Variants in CWC27 observed in about 807,000 individuals in gnomAD.
The protein encoded by CWC27 is CWC27 spliceosome associated cyclophilin, also known as spliceosome-associated protein CWC27 homolog.
In CWC27, 47 loss-of-function variants were observed where a neutral mutation model predicts 63.6. The ratio of observed to expected loss-of-function variants is 0.74; its 90% CI spans 0.58 to 0.94. The LOEUF is 0.94. Among genes scored for constraint, CWC27 ranks in the 40% least tolerant of loss-of-function variants. The probability of loss-of-function intolerance (pLI) is 0.00; values close to 1 mark genes in which losing one functional copy is unlikely to be tolerated. For synonymous variants in CWC27, 175 were observed against 179.8 expected (o/e 0.97, Z 0.22); for missense variants, 495 against 554.3 (o/e 0.89, Z 1.07).
intron 13 of CWC27, among the ~76,000 whole-genome samples, chr5:65,008,714 G>T (rs1351981853): frequency 2.0e-5 from 3 of 152,004 alleles, no homozygotes; most frequent in Admixed American, 2.0e-4. Context: ...TTTGCAAAAA[G>T]AAAAACAAAA....
At chr5:64,993,899 A>G (rs1749585134) in intron 13 of CWC27, among the ~76,000 whole-genome samples, 1 of 152,240 alleles carries the variant, frequency 6.6e-6, no homozygotes, top group Non-Finnish European at 1.5e-5. Flanking sequence ...CTGATACTGT[A>G]ACCATATCTG....
chr5:64,919,103 A>G (rs1236411695), intron 11 of CWC27, among the ~76,000 whole-genome samples: 5 of 152,230 alleles, frequency 3.3e-5, no homozygotes, highest in Non-Finnish European at 7.3e-5. Context: ...TTTGCTGTAC[A>G]ATTTAAAACA....
At chr5:64,945,063 C>T (rs757952741) in intron 11 of CWC27, among the ~76,000 whole-genome samples, 1 of 152,132 alleles carries the variant, frequency 6.6e-6, no homozygotes, top group Non-Finnish European at 1.5e-5. Flanking sequence ...TTCCCTGCCT[C>T]AGGGCCATTG....
intron 10 of CWC27, among the ~76,000 whole-genome samples, chr5:64,829,834 C>T (rs977209945): frequency 2.0e-5 from 3 of 151,170 alleles, no homozygotes; most frequent in African/African-American, 4.9e-5. Context: ...TGATGTTCCC[C>T]TCCCTGTGTC....
chr5:64,776,819 T>G (rs183652144), intron 2 of CWC27, among the ~76,000 whole-genome samples: 1 of 152,224 alleles, frequency 6.6e-6, no homozygotes, highest in Non-Finnish European at 1.5e-5. Flanking sequence ...GAATAAAACA[T>G]GAACAAGTAA....
chr5:64,856,300 T>G (rs1026077662), intron 10 of CWC27, among the ~76,000 whole-genome samples: 1 of 152,110 alleles, frequency 6.6e-6, no homozygotes, highest in Non-Finnish European at 1.5e-5. Context: ...ATATTTCAAA[T>G]GTGAATAGTT....
intron 10 of CWC27, among the ~76,000 whole-genome samples, chr5:64,870,999 A>C (rs951413984): frequency 2.6e-5 from 4 of 152,088 alleles, no homozygotes; most frequent in African/African-American, 4.8e-5. Context: ...TGCTGAGTGG[A>C]AGGGTACACA....
intron 11 of CWC27, among the ~76,000 whole-genome samples, chr5:64,951,642 C>G (rs1748711282): frequency 6.6e-6 from 1 of 151,908 alleles, no homozygotes; most frequent in Non-Finnish European, 1.5e-5. Flanking sequence ...TCACCTGTTA[C>G]AGCCTCAGCC....
chr5:64,941,909 TAATA>T (rs1328281433), intron 11 of CWC27, among the ~76,000 whole-genome samples: 22 of 151,964 alleles, frequency 1.4e-4, no homozygotes, highest in Middle Eastern at 3.4e-3. Context: ...ATGAGAGTAA[TAATA>T]AATAAATAAA....
chr5:64,774,230 A>G (rs1429013816), intron 1 of CWC27, among the ~76,000 whole-genome samples: 1 of 152,132 alleles, frequency 6.6e-6, no homozygotes, highest in African/African-American at 2.4e-5. Context: ...ATCATAGCTC[A>G]CTATTACTTC....
intron 11 of CWC27, among the ~76,000 whole-genome samples, chr5:64,947,554 CAG>C (rs1467785110): frequency 1.3e-5 from 2 of 152,112 alleles, no homozygotes; most frequent in African/African-American, 4.8e-5. Context: ...AAAGTCTAAT[CAG>C]AATATAAGCA....
intron 10 of CWC27, among the ~76,000 whole-genome samples, chr5:64,885,213 TA>T (rs1159521901): frequency 4.6e-5 from 7 of 152,150 alleles, no homozygotes; most frequent in Non-Finnish European, 7.4e-5. Context: ...ACATATTTGA[TA>T]GGGGGTATAT....
intron 10 of CWC27, among the ~76,000 whole-genome samples, chr5:64,859,401 C>T (rs550433993): frequency 6.6e-6 from 1 of 152,112 alleles, no homozygotes; most frequent in East Asian, 1.9e-4. Flanking sequence ...TATATACACT[C>T]GAGATACAGC....
chr5:64,800,162 G>A (rs1005698642), intron 7 of CWC27, 86 bp from the exon 8 acceptor site: 2 of 895,768 alleles, frequency 2.2e-6, no homozygotes, highest in Non-Finnish European at 3.5e-6. Flanking sequence ...TTATATCATT[G>A]CTAGGTTTTA....
chr5:64,827,272 G>A (rs1160459705), intron 10 of CWC27, among the ~76,000 whole-genome samples: 1 of 152,060 alleles, frequency 6.6e-6, no homozygotes, highest in Non-Finnish European at 1.5e-5. Flanking sequence ...TTTGAGATTT[G>A]GAAGGTACCT....
At chr5:64,910,893 AC>A (rs1747771739) in intron 11 of CWC27, among the ~76,000 whole-genome samples, 1 of 151,912 alleles carries the variant, frequency 6.6e-6, no homozygotes, top group African/African-American at 2.4e-5. Flanking sequence ...AAATCCCCCT[AC>A]CCTTTGTGCT....
chr5:64,817,805 A>G (rs1417072157), intron 10 of CWC27, among the ~76,000 whole-genome samples: 3 of 152,136 alleles, frequency 2.0e-5, no homozygotes, highest in Non-Finnish European at 4.4e-5. Flanking sequence ...GTGTGCATAT[A>G]TATTGATTTA....
At chr5:64,901,117 A>G (rs2112363759) in intron 11 of CWC27, among the ~76,000 whole-genome samples, 1 of 152,212 alleles carries the variant, frequency 6.6e-6, no homozygotes, top group Admixed American at 6.5e-5. Context: ...GGTATAGGCT[A>G]TTGTTCCTAG....
rs139725300 is a variant in CWC27 at position 64,968,720 on chromosome 5, C to T, written c.1043-2983C>T. 3.7e-4 allele frequency among the ~76,000 whole-genome samples: 57 copies of T among 152,250 alleles called. No homozygotes were observed. The East Asian group carries it at 0.011, about 29-fold the overall frequency. On this transcript the variant is annotated intron_variant, in intron 11 of 13. Transcript: ENST00000381070. ...ACTGACTGTAACAGACATTTGGACA[C>T]TTTGTAGGGTATGTGGAACTTTTCT...
Sources: allele counts gnomAD v4.1 joint callset (sites outside exome capture counted in the v4.1 genomes callset), GRCh38; gene constraint gnomAD v4.1.1; transcripts MANE v1.5; gene names NCBI Gene and HGNC (gene_info 2026-07-23, HGNC 2026-07-21).